The following GATA6 variants were observed in gnomAD, a reference collection of about 807,000 sequenced individuals.
GATA6 encodes the protein GATA binding protein 6, also known as transcription factor GATA-6.
A neutral mutation model predicts 48.1 loss-of-function variants in GATA6; 11 were observed. The ratio of observed to expected loss-of-function variants is 0.23; its 90% CI spans 0.14 to 0.38. The LOEUF is 0.38. Ranked by LOEUF, GATA6 falls within the 10% of genes least tolerant of loss-of-function variation. The probability of loss-of-function intolerance (pLI) is 1.00; values close to 1 mark genes in which losing one functional copy is unlikely to be tolerated. For synonymous variants in GATA6, 419 were observed against 396.1 expected, an observed-to-expected ratio of 1.06 and a Z score of -0.69; for missense variants, 795 against 850.3, an observed-to-expected ratio of 0.93 and a Z score of 0.81.
At chr18:22,180,869 G>T (rs2033185644) in intron 3 of GATA6, among the ~76,000 whole-genome samples, 1 of 151,956 alleles carries the variant, frequency 6.6e-6, no homozygotes, top group Non-Finnish European at 1.5e-5. Context: ...ACATTAGCAA[G>T]TGGCTTGTGA....
intron 6 of GATA6, among the ~76,000 whole-genome samples, chr18:22,191,464 G>A (rs2033328031): frequency 6.7e-6 from 1 of 148,208 alleles, no homozygotes; most frequent in African/African-American, 2.5e-5. Flanking sequence ...GGCTTAGATT[G>A]CTCTGAAAGG....
intron 4 of GATA6, 77 bp from the exon 5 acceptor site, chr18:22,182,680 C>T: frequency 9.5e-7 from 1 of 1,050,748 alleles, no homozygotes; most frequent in Admixed American, 2.1e-5. Context: ...TAAATGAGAG[C>T]TTTTAGTGCC....
At chr18:22,193,167 ACT>A (rs774941781) in intron 6 of GATA6, among the ~76,000 whole-genome samples, 12 of 152,034 alleles carry the variant, frequency 7.9e-5, no homozygotes, top group African/African-American at 2.4e-4. Flanking sequence ...GGTGACGGTG[ACT>A]CTCTCTCTAG....
intron 6 of GATA6, among the ~76,000 whole-genome samples, chr18:22,197,317 G>T (rs2033402892): frequency 6.6e-6 from 1 of 152,102 alleles, no homozygotes; most frequent in African/African-American, 2.4e-5. Context: ...TCTCTAAAGT[G>T]CAGGGATTGC....
chr18:22,192,068 G>T (rs920910658), intron 6 of GATA6, among the ~76,000 whole-genome samples: 1 of 152,182 alleles, frequency 6.6e-6, no homozygotes, highest in Non-Finnish European at 1.5e-5. Context: ...TTGATTCGTG[G>T]TGAAGCCTGA....
chr18:22,199,177 C>T (rs182453841), intron 6 of GATA6, among the ~76,000 whole-genome samples: 1 of 152,324 alleles, frequency 6.6e-6, no homozygotes, highest in Non-Finnish European at 1.5e-5. Context: ...TAGAGTTGGA[C>T]CTCATTCACT....
Position 22,202,208 on chromosome 18 carries a change from G to A in GATA6, c.*1385G>A, listed in dbSNP as rs2033471927. The stretch of plus-strand genomic sequence containing the variant: ...TGCATTGGGGACAGTTTTTATAAGT[G>A]GGAAGGACTCAGTATTATTATATTT... On this transcript the variant is annotated 3_prime_UTR_variant, in exon 7 of 7. Coordinates refer to ENST00000269216, the MANE Select transcript of GATA6 (RefSeq NM_005257.6). The A allele has an allele frequency of 6.6e-6, 1 of 152,128 alleles. No individual in the cohort carries two copies. Among genetic ancestry groups the A allele is most frequent in the African/African-American group, 2.4e-5 (1 of 41,402 alleles). The allele number at this position is 152,128 out of a possible 1,614,324, so 9.4% of individuals were successfully genotyped here. A position where few individuals can be genotyped will look rare whatever the true frequency, so the allele number is the denominator to read the frequency against.
At position 22,201,210 on chromosome 18, in the gene GATA6, C is replaced by G; in HGVS notation, c.*387C>G. The G allele has an allele frequency of 4.1e-6, 1 of 246,698 alleles. No homozygotes were observed. 15.3% of individuals were successfully genotyped at this position (246,698 alleles called of 1,614,324 possible). ...TGGTTGTTCCAGAATTTCTTCATAC[C>G]TTTTCCACATCCAGATTTCATGTGC... On this transcript the variant is annotated 3_prime_UTR_variant, in exon 7 of 7. Coordinates refer to ENST00000269216, the MANE Select transcript of GATA6 (RefSeq NM_005257.6).
intron 6 of GATA6, among the ~76,000 whole-genome samples, chr18:22,191,038 TG>T (rs2033322349): frequency 9.7e-6 from 1 of 103,442 alleles, no homozygotes; most frequent in African/African-American, 1.2e-4. Flanking sequence ...ATCTCGTGTG[TG>T]TGTGTGTGTG....
rs1258957305 is a variant in GATA6, at chr18:22,201,822, ATACTC to A, written c.*1002_*1006del. The A allele has an allele frequency of 6.6e-6, 1 of 152,636 alleles. No individual in the cohort carries two copies. Among genetic ancestry groups the A allele is most frequent in the African/African-American group, 2.4e-5 (1 of 41,456 alleles). 9.5% of individuals were successfully genotyped at this position (152,636 alleles called of 1,614,324 possible). On this transcript the variant is annotated 3_prime_UTR_variant, in exon 7 of 7. Coordinates refer to ENST00000269216, the MANE Select transcript of GATA6 (RefSeq NM_005257.6). Reference sequence around the variant, plus strand: ...ACTACCTAACGGATAGCATTTGTAAATACTCTAGGTATCTGTAAACACTCTGATGA... The same window carrying A: ...ACTACCTAACGGATAGCATTTGTAAATAGGTATCTGTAAACACTCTGATGA...
chr18:22,171,163 G>C lies in GATA6; in HGVS notation c.19G>C (p.Gly7Arg), dbSNP rs1453414298. MALTDG[G>R]WCLPKRFGAA... ...ACCGTGGATGGCCTTGACTGACGGCGGCTGGTGCTTGCCGAAGCGCTTCGG... is the reference window on the plus strand; with the variant it reads ...ACCGTGGATGGCCTTGACTGACGGCCGCTGGTGCTTGCCGAAGCGCTTCGG... Residue 7 changes from glycine to arginine, a missense_variant, in exon 2 of 7, where the codon GGC becomes CGC. Physicochemically the swap from Gly to Arg is moderately radical, Grantham distance 125. Around this residue, in one of 5 missense-constraint regions of GATA6, gnomAD observed 591 missense variants for 570.0 expected, o/e 1.04. Transcript: ENST00000269216. This position sits in a 1 kb window ranked among gnomAD's most constrained non-coding sequence, Gnocchi z 7.1. 2 of 1,600,106 alleles carry C rather than the reference G, an allele frequency of 1.2e-6. No individual in the cohort carries two copies. The highest frequency in any genetic ancestry group is 1.3e-5 in the African/African-American group (1 of 75,012).
In GATA6 at chr18:22,201,046, C is replaced by G; in HGVS notation, c.*223C>G. On this transcript the variant is annotated 3_prime_UTR_variant, in exon 7 of 7. Coordinates refer to ENST00000269216, the MANE Select transcript of GATA6 (RefSeq NM_005257.6). ...GGCGCTTGGGCCACTCCAGCCAGCC[C>G]GCCTCCGGGGCGGACCCTGCTCCAC... The G allele has an allele frequency of 1.6e-6, 1 of 616,468 alleles. No individual in the cohort carries two copies. Among genetic ancestry groups the G allele is most frequent in the Non-Finnish European group, 2.8e-6 (1 of 356,018 alleles). 38.2% of individuals were successfully genotyped at this position (616,468 alleles called of 1,614,324 possible).
Position 22,185,803 on chromosome 18 carries a change from AC to A in GATA6, c.1620+2761del, listed in dbSNP as rs1250176850. Among the ~76,000 whole-genome samples, 2 of 151,936 alleles carry A rather than the reference AC, an allele frequency of 1.3e-5. No individual in the cohort carries two copies. Among genetic ancestry groups the A allele is most frequent in the African/African-American group, 4.8e-5 (2 of 41,380 alleles). On this transcript the variant is annotated intron_variant, in intron 6 of 6. Coordinates refer to ENST00000269216, the MANE Select transcript of GATA6 (RefSeq NM_005257.6). The surrounding 1 kb of genome is among the most constrained non-coding windows in gnomAD (Gnocchi z 4.3). ...TGCGTATAACTGTGGATCCCTTCGCACTTTTTGATGTCCTCTCTGGGTGGGC... is the reference window on the plus strand; with the variant it reads ...TGCGTATAACTGTGGATCCCTTCGCATTTTTGATGTCCTCTCTGGGTGGGC...
At chr18:22,200,167 C>T (rs2033439564) in intron 6 of GATA6, among the ~76,000 whole-genome samples, 1 of 145,256 alleles carries the variant, frequency 6.9e-6, no homozygotes, top group Non-Finnish European at 1.5e-5. Flanking sequence ...ACTGGATAAG[C>T]CTTGTTAGAG....
chr18:22,195,304 G>A (rs191390664), intron 6 of GATA6, among the ~76,000 whole-genome samples: 46 of 152,304 alleles, frequency 3.0e-4, no homozygotes, highest in African/African-American at 1.0e-3. Flanking sequence ...TTTCAGGGGC[G>A]GATGGGGGCC....
chr18:22,174,058 G>A (rs1428568419), intron 2 of GATA6, among the ~76,000 whole-genome samples: 1 of 152,328 alleles, frequency 6.6e-6, no homozygotes, highest in Admixed American at 6.5e-5. Context: ...GAGAGTCAGG[G>A]CTCTCATCCT....
At chr18:22,184,743 C>T (rs1017939149) in intron 6 of GATA6, among the ~76,000 whole-genome samples, 1 of 152,088 alleles carries the variant, frequency 6.6e-6, no homozygotes, top group Non-Finnish European at 1.5e-5. Context: ...AAGTGATCCA[C>T]CTACCTCAGC....
At position 22,172,397 on chromosome 18, in the gene GATA6, A is replaced by C; in HGVS notation, c.1135+118A>C. On this transcript the variant is annotated intron_variant, in intron 2 of 6. Transcript: ENST00000269216. This position sits in a 1 kb window ranked among gnomAD's most constrained non-coding sequence, Gnocchi z 5.2. ...AGGACTTTCTCGTCCGGGTGCGCGG[A>C]GGTCGGCCTGGTCCCAGGAAGGATT... The C allele has an allele frequency of 6.9e-7, 1 of 1,447,824 alleles. No homozygotes were observed. The highest frequency in any genetic ancestry group is 9.1e-7 in the Non-Finnish European group (1 of 1,098,386). 89.7% of individuals were successfully genotyped at this position (1,447,824 alleles called of 1,614,324 possible).
intron 6 of GATA6, among the ~76,000 whole-genome samples, chr18:22,186,933 G>A (rs1376844865): frequency 2.0e-5 from 3 of 152,230 alleles, no homozygotes; most frequent in Admixed American, 2.0e-4. Context: ...GGCTGTGCAT[G>A]TGCTGGAGGC....
Sources: gnomAD v4.1 joint callset for allele counts (sites outside exome capture counted in the v4.1 genomes callset) on GRCh38, gnomAD v4.1.1 for gene constraint, gnomAD v4.1.1 regional missense constraint, Gnocchi (gnomAD v3.1) non-coding constraint, MANE v1.5 for transcripts, NCBI Gene and HGNC (gene_info 2026-07-23, HGNC 2026-07-21) for gene names.